ZDHHC2: variants seen among roughly 807,000 people sequenced by gnomAD.
The protein encoded by ZDHHC2 is palmitoyltransferase ZDHHC2.
ZDHHC2 carries 51 observed loss-of-function variants against 55.6 expected under a neutral mutation model. The ratio of observed to expected loss-of-function variants is 0.92; its 90% CI spans 0.73 to 1.16. The LOEUF is 1.16. ZDHHC2 is among the 50% of genes most tolerant of loss of function. The pLI, the probability that ZDHHC2 is intolerant of heterozygous loss-of-function variation, is 0.00. For synonymous variants in ZDHHC2, 199 were observed against 152.9 expected (o/e 1.30, Z -2.22); for missense variants, 491 against 442.4 (o/e 1.11, Z -0.99).
At chr8:17,197,801 C>T in intron 5 of ZDHHC2, 150 bp downstream of exon 5, 3 of 812,348 alleles carry the variant, frequency 3.7e-6, no homozygotes, top group Non-Finnish European at 5.7e-6. Context: ...AACCCGCTGG[C>T]ATTCATACCA....
chr8:17,207,109 C>G (rs923695004), intron 7 of ZDHHC2, among the ~76,000 whole-genome samples: 2 of 152,104 alleles, frequency 1.3e-5, no homozygotes, highest in Admixed American at 1.3e-4. Context: ...TTTTCGCTGT[C>G]AAAAAAACCT....
chr8:17,157,391 T>C (rs1014983411), intron 1 of ZDHHC2: 2 of 152,810 alleles, frequency 1.3e-5, no homozygotes, highest in Admixed American at 6.5e-5. Flanking sequence ...TTGGACACTT[T>C]TCTAGTTTAA....
intron 12 of ZDHHC2, 42 bp downstream of exon 12, chr8:17,217,288 C>G: frequency 7.1e-7 from 1 of 1,401,166 alleles, no homozygotes; most frequent in Non-Finnish European, 9.8e-7. Context: ...TTTTAACAGT[C>G]TTCTAATTTT....
intron 1 of ZDHHC2, among the ~76,000 whole-genome samples, chr8:17,172,506 G>A (rs576043319): frequency 3.7e-4 from 57 of 152,258 alleles, no homozygotes; most frequent in South Asian, 1.0e-3. Flanking sequence ...TCTAGAGATC[G>A]GCTCTACATC....
At chr8:17,205,878 T>C in intron 7 of ZDHHC2, 103 bp downstream of exon 7, 2 of 1,138,692 alleles carry the variant, frequency 1.8e-6, no homozygotes, top group Non-Finnish European at 2.4e-6. Flanking sequence ...AGACCAGAGC[T>C]CATTGACATG....
chr8:17,209,818 C>G lies in ZDHHC2; in HGVS notation c.731-114C>G. 2 of 1,268,290 alleles carry G rather than the reference C, an allele frequency of 1.6e-6. 1 individual carries two copies. The highest frequency in any genetic ancestry group is 3.4e-5 in the South Asian group (2 of 58,508). The allele number at this position is 1,268,290 out of a possible 1,614,324, so 78.6% of individuals were successfully genotyped here. ...TGACAGGCACATAAGCCCTCACAGT[C>G]AGCTAGCCATTGATTTTCAGAGTTT... On this transcript the variant is annotated intron_variant, in intron 8 of 12. Transcript: ENST00000262096.
intron 3 of ZDHHC2, among the ~76,000 whole-genome samples, chr8:17,188,409 T>C (rs1805838270): frequency 6.6e-6 from 1 of 152,200 alleles, no homozygotes; most frequent in African/African-American, 2.4e-5. Context: ...CTTTATACTT[T>C]ATACTCTAGT....
Position 17,195,522 on chromosome 8 carries a change from G to A in ZDHHC2, c.271G>A (p.Glu91Lys). The change falls in exon 4 of 13, where the codon GAG becomes AAG. Residue 91 changes from glutamate to lysine, a missense_variant. By Grantham distance (56) the Glu-to-Lys change is moderately conservative (BLOSUM62 1). Transcript: ENST00000262096. ...TCCACAGTTCCATCTCTCTTATGCA[G>A]AGAAAGATTTGTTGGAGAGAGAGCC... ...PSKEFHLSYA[E>K]KDLLEREPRG... 7 of 1,613,592 alleles carry A rather than the reference G, an allele frequency of 4.3e-6. No individual in the cohort carries two copies. The highest frequency in any genetic ancestry group is 5.9e-6 in the Non-Finnish European group (7 of 1,179,712).
intron 5 of ZDHHC2, 42 bp downstream of exon 5, chr8:17,197,693 G>T (rs778930096): frequency 5.2e-6 from 8 of 1,547,498 alleles, no homozygotes; most frequent in Admixed American, 1.8e-5. Context: ...CATGCTGGTG[G>T]TCTTTTTCTT....
At chr8:17,197,352 G>T (rs943942106) in intron 4 of ZDHHC2, among the ~76,000 whole-genome samples, 4 of 152,176 alleles carry the variant, frequency 2.6e-5, no homozygotes, top group African/African-American at 7.2e-5. Context: ...AAAAGCATCA[G>T]AAAAATTTCC....
At chr8:17,174,009 T>C (rs894003541) in intron 1 of ZDHHC2, among the ~76,000 whole-genome samples, 1 of 151,894 alleles carries the variant, frequency 6.6e-6, no homozygotes, top group African/African-American at 2.4e-5. Context: ...GAGTAGGTGG[T>C]CGCTGCAAGC....
chr8:17,196,162 A>G (rs973674777), intron 4 of ZDHHC2, among the ~76,000 whole-genome samples: 3 of 152,154 alleles, frequency 2.0e-5, no homozygotes, highest in Non-Finnish European at 4.4e-5. Flanking sequence ...AGGTAATTTG[A>G]CAACTATCCA....
intron 1 of ZDHHC2, among the ~76,000 whole-genome samples, chr8:17,165,498 A>AG (rs1563139006): frequency 6.6e-6 from 1 of 152,186 alleles, no homozygotes; most frequent in African/African-American, 2.4e-5. Flanking sequence ...CATTCAAAGG[A>AG]GGGGGAAGGG....
Position 17,182,973 on chromosome 8 carries a change from G to A in ZDHHC2, c.131-1816G>A, listed in dbSNP as rs186488457. Among the ~76,000 whole-genome samples the A allele has an allele frequency of 3.2e-3, 483 of 152,312 alleles. 3 individuals carry two copies. Among genetic ancestry groups the A allele is most frequent in the African/African-American group, 0.01 (428 of 41,566 alleles). On this transcript the variant is annotated intron_variant, in intron 1 of 12. Transcript: ENST00000262096. ...GACGGGGTTTTGCCATGTTGGCCAG[G>A]CTGGTCTTGAACTCTTGACCTCAGG...
intron 6 of ZDHHC2, among the ~76,000 whole-genome samples, chr8:17,203,698 A>G (rs1806932300): frequency 6.6e-6 from 1 of 152,160 alleles, no homozygotes; most frequent in Non-Finnish European, 1.5e-5. Context: ...TTCAAACACC[A>G]TAAAAGGCAA....
rs547692265 is a variant in ZDHHC2, at chr8:17,182,042, A to G, written c.131-2747A>G. Among the ~76,000 whole-genome samples, 24 of 152,324 alleles carry G rather than the reference A, an allele frequency of 1.6e-4. No homozygotes were observed. The East Asian group carries it at 2.1e-3, about 13-fold the overall frequency. On this transcript the variant is annotated intron_variant, in intron 1 of 12. Coordinates refer to ENST00000262096, the MANE Select transcript of ZDHHC2 (RefSeq NM_016353.5). The stretch of plus-strand genomic sequence containing the variant: ...TCACTGATTTACTAATTAAGTAACC[A>G]TGGTTGAAAGAACATTCATTTCCTG...
At position 17,213,099 on chromosome 8, in the gene ZDHHC2, C is replaced by G. The variant is rs147514597; in HGVS notation, c.951-2138C>G. Among the ~76,000 whole-genome samples, 838 of 152,226 alleles carry G rather than the reference C, an allele frequency of 5.5e-3. 9 individuals are homozygous for G. Among genetic ancestry groups the G allele is most frequent in the Middle Eastern group, 0.01 (3 of 294 alleles). On this transcript the variant is annotated intron_variant, in intron 10 of 12. Transcript: ENST00000262096. ...ATGTAGTGCCTTGTCCTTGCTAATT[C>G]CCTTTCCTTACCATTCTTCCTCCAG...
chr8:17,190,891 T>C (rs1169001839), intron 3 of ZDHHC2, among the ~76,000 whole-genome samples: 3 of 151,024 alleles, frequency 2.0e-5, no homozygotes, highest in Non-Finnish European at 4.4e-5. Context: ...AAATGTACAA[T>C]TAAATTATTA....
chr8:17,161,246 A>G (rs1023407102), intron 1 of ZDHHC2, among the ~76,000 whole-genome samples: 2 of 152,214 alleles, frequency 1.3e-5, no homozygotes, highest in African/African-American at 4.8e-5. Context: ...AATTTGAGCT[A>G]CACAGAAGAA....
Sources: gnomAD v4.1 joint callset for allele counts (sites outside exome capture counted in the v4.1 genomes callset) on GRCh38, gnomAD v4.1.1 for gene constraint, MANE v1.5 for transcripts, NCBI Gene and HGNC (gene_info 2026-07-23, HGNC 2026-07-21) for gene names.